Variants in EFCAB14 observed in about 807,000 individuals in gnomAD.
EFCAB14 encodes EF-hand calcium binding domain 14.
EFCAB14 carries 43 observed loss-of-function variants against 56.5 expected under a neutral mutation model. That is an observed-to-expected ratio of 0.76 (90% CI 0.60 to 0.98). EFCAB14 has a LOEUF of 0.98. Among genes scored for constraint, EFCAB14 ranks in the 50% least tolerant of loss-of-function variants. EFCAB14 has a pLI of 0.00. For missense variants in EFCAB14, 538 were observed against 580.3 expected (o/e 0.93, Z 0.75); for synonymous variants, 235 against 212.9 (o/e 1.10, Z -0.90).
intron 5 of EFCAB14, among the ~76,000 whole-genome samples, chr1:46,690,536 GA>G (rs1294223323): frequency 2.6e-5 from 4 of 152,304 alleles, no homozygotes; most frequent in African/African-American, 7.2e-5. Flanking sequence ...AGGAGAGAAG[GA>G]GGGGGGAATC....
chr1:46,703,414 A>AT (rs986214005), intron 3 of EFCAB14, among the ~76,000 whole-genome samples: 1 of 152,112 alleles, frequency 6.6e-6, no homozygotes, highest in Non-Finnish European at 1.5e-5. Flanking sequence ...GGCCTGCTCA[A>AT]TTTTTTTAAA....
intron 1 of EFCAB14, 56 bp downstream of exon 1, chr1:46,717,847 C>T: frequency 1.9e-6 from 3 of 1,559,588 alleles, no homozygotes; most frequent in Non-Finnish European, 2.6e-6. Context: ...TCAATGTGGC[C>T]CCTTGGTAGT....
intron 2 of EFCAB14, among the ~76,000 whole-genome samples, chr1:46,710,210 A>T (rs1406855037): frequency 2.0e-5 from 3 of 151,550 alleles, no homozygotes; most frequent in Non-Finnish European, 4.4e-5. Flanking sequence ...TTTAAAATTA[A>T]AAAAAAATTG....
At chr1:46,711,270 C>G (rs183333824) in intron 2 of EFCAB14, among the ~76,000 whole-genome samples, 1 of 152,350 alleles carries the variant, frequency 6.6e-6, no homozygotes, top group East Asian at 1.9e-4. Flanking sequence ...ATTTCCTATA[C>G]ATTTTCAGTT....
At chr1:46,703,071 T>TG (rs1168003043) in intron 3 of EFCAB14, among the ~76,000 whole-genome samples, 2 of 152,134 alleles carry the variant, frequency 1.3e-5, no homozygotes, top group East Asian at 3.9e-4. Flanking sequence ...AACTGTTCCT[T>TG]GGGGAAACAC....
chr1:46,683,049 T>G (rs1266889916), intron 10 of EFCAB14, among the ~76,000 whole-genome samples: 1 of 152,174 alleles, frequency 6.6e-6, no homozygotes, highest in Non-Finnish European at 1.5e-5. Flanking sequence ...TTGGTTTGCA[T>G]TCTGTTTCAA....
intron 4 of EFCAB14, among the ~76,000 whole-genome samples, chr1:46,694,726 G>A (rs1433226437): frequency 1.3e-5 from 2 of 152,152 alleles, no homozygotes; most frequent in East Asian, 3.9e-4. Context: ...TCCCGTTACT[G>A]GGTATATACC....
intron 2 of EFCAB14, among the ~76,000 whole-genome samples, chr1:46,708,438 G>T (rs1677263568): frequency 1.3e-5 from 2 of 152,148 alleles, no homozygotes. Context: ...TGAGAGAATG[G>T]CTGCAAAGCA....
At chr1:46,713,321 A>G (rs1164181703) in intron 2 of EFCAB14, among the ~76,000 whole-genome samples, 1 of 152,198 alleles carries the variant, frequency 6.6e-6, no homozygotes, top group Non-Finnish European at 1.5e-5. Flanking sequence ...TGCTTCATTC[A>G]GCTGGCTGAC....
chr1:46,706,733 A>G (rs1677238632), intron 3 of EFCAB14, among the ~76,000 whole-genome samples: 3 of 152,240 alleles, frequency 2.0e-5, no homozygotes, highest in Admixed American at 2.0e-4. Context: ...CTTAGAGTCC[A>G]AAGGTAAAGG....
At position 46,716,300 on chromosome 1, in the gene EFCAB14, C is replaced by G. The variant is rs371584113; in HGVS notation, c.329G>C (p.Arg110Pro). ...GAGAGTAACCACTTACTTACTTGTT[C>G]GAAATTTTTCCTTGAGGGCATCCAG... ...EDLDALKEKF[R>P]TMESNQKSSF... is the part of the protein sequence containing the mutation. Residue 110 changes from arginine (R) to proline (P), a missense_variant, in exon 2 of 11, where the codon CGA (arginine) becomes CCA (proline). Coordinates refer to ENST00000371933, the MANE Select transcript of EFCAB14 (RefSeq NM_014774.3). 2.2e-5 allele frequency: 35 copies of G among 1,580,270 alleles called. No homozygotes were observed. Among genetic ancestry groups the G allele is most frequent in the Non-Finnish European group, 3.0e-5 (35 of 1,160,930 alleles).
chr1:46,675,572 G>A lies in EFCAB14; in HGVS notation c.*2889C>T, dbSNP rs1676680633. 1 of 152,642 alleles carries A rather than the reference G, an allele frequency of 6.6e-6. No homozygotes were observed. The highest frequency in any genetic ancestry group is 2.1e-4 in the South Asian group (1 of 4,824). The allele number at this position is 152,642 out of a possible 1,614,324, so 9.5% of individuals were successfully genotyped here. On this transcript the variant is annotated 3_prime_UTR_variant, in exon 11 of 11. Transcript: ENST00000371933. ...CCAAAATCCTCAACTGTGACCGGCA[G>A]GACCAGCAAGGGGGGGTGTTGAAGG...
chr1:46,701,684 C>CT (rs1314757917), intron 3 of EFCAB14, among the ~76,000 whole-genome samples: 1 of 152,210 alleles, frequency 6.6e-6, no homozygotes, highest in Admixed American at 6.5e-5. Context: ...TGCTGCTGCA[C>CT]TTTTCTCTGT....
intron 9 of EFCAB14, among the ~76,000 whole-genome samples, chr1:46,683,863 GA>G (rs774790097): frequency 6.6e-6 from 1 of 152,206 alleles, no homozygotes; most frequent in African/African-American, 2.4e-5. Flanking sequence ...GTTAGGACAA[GA>G]CATTCCACCA....
intron 4 of EFCAB14, among the ~76,000 whole-genome samples, chr1:46,695,367 T>C (rs910158863): frequency 7.9e-6 from 1 of 126,958 alleles, no homozygotes; most frequent in African/African-American, 4.1e-5. Context: ...CCCTACCCCT[T>C]TTTTTTCCCC....
chr1:46,717,998 G>C lies in EFCAB14; in HGVS notation c.90C>G (p.Arg30=). ...AGTCGGGAGGCTCAGTGCGAAGCAGGCGGTGACTGCTTGGGCCTTTCTTGG... is the reference window on the plus strand; with the variant it reads ...AGTCGGGAGGCTCAGTGCGAAGCAGCCGGTGACTGCTTGGGCCTTTCTTGG... The part of the protein sequence containing the change: ...KKPKKGPSSH[R]LLRTEPPDSD... Residue 30 remains arginine (R), a synonymous_variant, in exon 1 of 11, where the codon CGC becomes CGG. Transcript: ENST00000371933. The C allele has an allele frequency of 6.2e-7, 1 of 1,614,148 alleles. No individual in the cohort carries two copies. The highest frequency in any genetic ancestry group is 2.2e-5 in the East Asian group (1 of 44,878).
At chr1:46,687,351 G>C (rs953029471) in intron 7 of EFCAB14, among the ~76,000 whole-genome samples, 2 of 152,012 alleles carry the variant, frequency 1.3e-5, no homozygotes, top group Non-Finnish European at 2.9e-5. Flanking sequence ...AGTTCAAAAG[G>C]GCTTCGTAAA....
chr1:46,717,280 GA>G (rs747510720), intron 1 of EFCAB14, among the ~76,000 whole-genome samples: 4 of 152,180 alleles, frequency 2.6e-5, no homozygotes, highest in Admixed American at 2.0e-4. Context: ...TGCTCTGAGA[GA>G]GTCAAAGGAC....
intron 2 of EFCAB14, among the ~76,000 whole-genome samples, chr1:46,711,044 T>TG (rs1433362499): frequency 6.6e-6 from 1 of 152,238 alleles, no homozygotes; most frequent in Non-Finnish European, 1.5e-5. Context: ...CATCTGCTGT[T>TG]GGACACCTAG....
Sources: gnomAD v4.1 joint callset for allele counts (sites outside exome capture counted in the v4.1 genomes callset) on GRCh38, gnomAD v4.1.1 for gene constraint, MANE v1.5 for transcripts, NCBI Gene and HGNC (gene_info 2026-07-23, HGNC 2026-07-21) for gene names.